The following B3GLCT variants were observed in gnomAD, a reference collection of about 807,000 sequenced individuals.
B3GLCT encodes beta 3-glucosyltransferase, also known as beta-1,3-glucosyltransferase.
A neutral mutation model predicts 63.4 loss-of-function variants in B3GLCT; 65 were observed. The ratio of observed to expected loss-of-function variants is 1.03; its 90% CI spans 0.84 to 1.26. The LOEUF is 1.26. Ranked by LOEUF, B3GLCT falls within the 50% of genes most tolerant of loss-of-function variation. The pLI, the probability that B3GLCT is intolerant of heterozygous loss-of-function variation, is 0.00. For missense variants in B3GLCT, 577 were observed against 604.8 expected (o/e 0.95, Z 0.48); for synonymous variants, 233 against 219.2 (o/e 1.06, Z -0.55).
At chr13:31,269,829 A>G (rs959854096) in intron 8 of B3GLCT, among the ~76,000 whole-genome samples, 1 of 152,194 alleles carries the variant, frequency 6.6e-6, no homozygotes, top group African/African-American at 2.4e-5. Flanking sequence ...GGTGCCATCC[A>G]TGAACCAGGA....
intron 1 of B3GLCT, among the ~76,000 whole-genome samples, chr13:31,205,322 T>C (rs191483846): frequency 6.6e-6 from 1 of 151,778 alleles, no homozygotes; most frequent in Admixed American, 6.6e-5. Context: ...TTTAGGAGGC[T>C]GAGGCAGGCA....
intron 10 of B3GLCT, among the ~76,000 whole-genome samples, chr13:31,284,155 TACA>T (rs1321012621): frequency 1.3e-5 from 2 of 152,212 alleles, no homozygotes; most frequent in Non-Finnish European, 2.9e-5. Flanking sequence ...TTTTCAAAAG[TACA>T]ACATCGTAAT....
At chr13:31,208,479 C>T (rs1344343876) in intron 1 of B3GLCT, among the ~76,000 whole-genome samples, 1 of 152,110 alleles carries the variant, frequency 6.6e-6, no homozygotes, top group Non-Finnish European at 1.5e-5. Context: ...CTTGCGTATC[C>T]TCAGGACGCT....
In B3GLCT at chr13:31,317,659, C is replaced by T. The variant is rs1330230052; in HGVS notation, c.1158C>T (p.Gly386=). 1.2e-6 allele frequency: 2 copies of T among 1,614,060 alleles called. No individual in the cohort carries two copies. Among genetic ancestry groups the T allele is most frequent in the Admixed American group, 3.3e-5 (2 of 60,020 alleles). The part of the protein sequence containing the change: ...ERYGYGLGTG[G]YSYITGGGGM... ...ACGGCTACGGCCTGGGCACTGGTGG[C>T]TACAGCTACATCACGGGAGGAGGAG... Residue 386 remains glycine (G), a synonymous_variant, in exon 13 of 15, where the codon GGC becomes GGT. Transcript: ENST00000343307.
At position 31,257,286 on chromosome 13, in the gene B3GLCT, G is replaced by A. The variant is rs537497918; in HGVS notation, c.460-3660G>A. On this transcript the variant is annotated intron_variant, in intron 6 of 14. Coordinates refer to ENST00000343307, the MANE Select transcript of B3GLCT (RefSeq NM_194318.4). ...TGAGATGTTTATTTTCTTTATACAA[G>A]CTATATTGGCATGGTATGTAAAATA... Among the ~76,000 whole-genome samples the A allele has an allele frequency of 6.6e-5, 10 of 152,120 alleles. No homozygotes were observed. In the South Asian group the frequency reaches 1.9e-3, roughly 28 times the overall value.
chr13:31,234,865 C>T (rs1217600462), intron 4 of B3GLCT, among the ~76,000 whole-genome samples: 1 of 152,084 alleles, frequency 6.6e-6, no homozygotes. Context: ...CCAGGGAGTG[C>T]CGTTAGGGAG....
intron 1 of B3GLCT, among the ~76,000 whole-genome samples, chr13:31,208,561 G>C (rs11147457): frequency 1.5e-4 from 21 of 139,762 alleles, no homozygotes; most frequent in Non-Finnish European, 2.8e-4. Context: ...CTCCCTTCCC[G>C]TCTCACCCCC....
At position 31,275,583 on chromosome 13, in the gene B3GLCT, C is replaced by T. The variant is rs963832367; in HGVS notation, c.780+955C>T. Among the ~76,000 whole-genome samples, 17 of 152,176 alleles carry T rather than the reference C, an allele frequency of 1.1e-4. No individual in the cohort carries two copies. The East Asian group carries it at 1.5e-3, about 14-fold the overall frequency. On this transcript the variant is annotated intron_variant, in intron 9 of 14. Coordinates refer to ENST00000343307, the MANE Select transcript of B3GLCT (RefSeq NM_194318.4). Reference sequence around the variant, plus strand: ...TGCCTTTCATCTCAATGACAGCCATCCAGAACTTTCAGAATGAATTCACTT... The same window carrying T: ...TGCCTTTCATCTCAATGACAGCCATTCAGAACTTTCAGAATGAATTCACTT...
chr13:31,316,573 CTTTGT>C (rs1305175435), intron 12 of B3GLCT, among the ~76,000 whole-genome samples: 1 of 151,046 alleles, frequency 6.6e-6, no homozygotes, highest in Non-Finnish European at 1.5e-5. Flanking sequence ...CCTGTGGCCC[CTTTGT>C]TTTGGCCATT....
intron 12 of B3GLCT, among the ~76,000 whole-genome samples, chr13:31,296,821 G>A (rs1001230957): frequency 2.0e-5 from 3 of 151,466 alleles, no homozygotes; most frequent in Non-Finnish European, 4.4e-5. Flanking sequence ...TAAGTATACA[G>A]TTTAGTAGTA....
chr13:31,230,452 A>G (rs562118578), intron 4 of B3GLCT, among the ~76,000 whole-genome samples: 3 of 152,362 alleles, frequency 2.0e-5, no homozygotes, highest in East Asian at 1.9e-4. Context: ...GGTATTGGAA[A>G]ATAAAGGGTC....
chr13:31,242,299 G>A (rs1439591076), intron 4 of B3GLCT, among the ~76,000 whole-genome samples: 1 of 152,074 alleles, frequency 6.6e-6, no homozygotes, highest in African/African-American at 2.4e-5. Context: ...TTCTATCCCT[G>A]ACACATTATA....
At chr13:31,234,300 A>G (rs1232118698) in intron 4 of B3GLCT, among the ~76,000 whole-genome samples, 2 of 152,062 alleles carry the variant, frequency 1.3e-5, no homozygotes, top group Non-Finnish European at 2.9e-5. Context: ...GATTACAGGC[A>G]TGAGCCACTG....
intron 6 of B3GLCT, among the ~76,000 whole-genome samples, chr13:31,250,032 A>G (rs1050798486): frequency 6.6e-6 from 1 of 152,220 alleles, no homozygotes; most frequent in Non-Finnish European, 1.5e-5. Context: ...TAAAACTTTT[A>G]ACTTTTATTA....
chr13:31,209,504 C>T (rs536344960), intron 1 of B3GLCT, among the ~76,000 whole-genome samples: 40 of 152,256 alleles, frequency 2.6e-4, no homozygotes, highest in African/African-American at 8.4e-4. Context: ...CCTCCCCCAG[C>T]GTGTTAGAAA....
chr13:31,249,987 T>G (rs936776121), intron 6 of B3GLCT, among the ~76,000 whole-genome samples: 2 of 152,254 alleles, frequency 1.3e-5, no homozygotes, highest in African/African-American at 4.8e-5. Context: ...TCATTCTTAC[T>G]AATGCAAATG....
intron 4 of B3GLCT, among the ~76,000 whole-genome samples, chr13:31,240,460 C>A (rs1870873448): frequency 7.4e-6 from 1 of 134,488 alleles, no homozygotes; most frequent in African/African-American, 2.7e-5. Context: ...AGGCCCTTGC[C>A]TCTTTAGTTT....
chr13:31,199,976 G>T lies in B3GLCT; in HGVS notation c.-109G>T. On this transcript the variant is annotated 5_prime_UTR_variant, in exon 1 of 15. Coordinates refer to ENST00000343307, the MANE Select transcript of B3GLCT (RefSeq NM_194318.4). Reference sequence around the variant, plus strand: ...GACGGAGGGAGGAGGGGAGCCGGCAGAGAAGGGTCAGCCGCGGCGGCAGGG... The same window carrying T: ...GACGGAGGGAGGAGGGGAGCCGGCATAGAAGGGTCAGCCGCGGCGGCAGGG... 1.6e-6 allele frequency: 1 copy of T among 611,746 alleles called. No individual in the cohort carries two copies. The highest frequency in any genetic ancestry group is 7.6e-5 in the South Asian group (1 of 13,104). 37.9% of individuals were successfully genotyped at this position (611,746 alleles called of 1,614,324 possible). A position where few individuals can be genotyped will look rare whatever the true frequency, so the allele number is the denominator to read the frequency against.
At chr13:31,287,006 C>G (rs1472102823) in intron 12 of B3GLCT, among the ~76,000 whole-genome samples, 187 bp downstream of exon 12, 1 of 152,058 alleles carries the variant, frequency 6.6e-6, no homozygotes, top group Non-Finnish European at 1.5e-5. Flanking sequence ...ATATTAGGTG[C>G]AAAGGAAAAT....
Sources: allele counts gnomAD v4.1 joint callset (sites outside exome capture counted in the v4.1 genomes callset), GRCh38; gene constraint gnomAD v4.1.1; transcripts MANE v1.5; gene names NCBI Gene and HGNC (gene_info 2026-07-23, HGNC 2026-07-21).